The following RIMS2 variants were observed in gnomAD, a reference collection of about 807,000 sequenced individuals.
RIMS2 encodes the protein regulating synaptic membrane exocytosis protein 2.
RIMS2 carries 59 observed loss-of-function variants against 174.4 expected under a neutral mutation model. The ratio of observed to expected loss-of-function variants is 0.34; its 90% confidence interval spans 0.27 to 0.42. The LOEUF is 0.42. RIMS2 is among the 10% of genes least tolerant of loss of function. The probability of loss-of-function intolerance (pLI) is 1.00; values close to 1 mark genes in which losing one functional copy is unlikely to be tolerated. For synonymous variants in RIMS2, 606 were observed against 572.5 expected (o/e 1.06, Z -0.84); for missense variants, 1,620 against 1,666.3 (o/e 0.97, Z 0.48).
intron 19 of RIMS2, among the ~76,000 whole-genome samples, chr8:104,096,137 GA>G (rs1223589470): frequency 6.6e-6 from 1 of 152,004 alleles, no homozygotes. Context: ...AATTCACAGA[GA>G]AAAGCTTTCC....
intron 15 of RIMS2, 35 bp from the exon 18 acceptor site, chr8:103,975,315 C>T: frequency 1.3e-6 from 2 of 1,513,760 alleles, no homozygotes; most frequent in South Asian, 1.2e-5. Context: ...TTTGTACATA[C>T]ATAACTATAA....
intron 2 of RIMS2, among the ~76,000 whole-genome samples, chr8:103,757,168 T>A (rs1177361725): frequency 1.3e-5 from 2 of 152,198 alleles, no homozygotes; most frequent in African/African-American, 4.8e-5. Flanking sequence ...CTTTGATTCT[T>A]AAATATAAAA....
chr8:103,849,134 A>G (rs2935295), intron 3 of RIMS2, among the ~76,000 whole-genome samples: 19,885 of 152,040 alleles, frequency 0.13, 1,763 homozygotes, highest in Non-Finnish European at 0.2. Flanking sequence ...CCAATTCGCT[A>G]TAGGTGAAAA....
chr8:103,627,817 G>C (rs1338658907), intron 1 of RIMS2, among the ~76,000 whole-genome samples: 1 of 152,116 alleles, frequency 6.6e-6, no homozygotes, highest in African/African-American at 2.4e-5. Context: ...ATTTTATTTG[G>C]TGTAGAAAAA....
At chr8:104,024,835 G>T (rs1314950030) in intron 19 of RIMS2, among the ~76,000 whole-genome samples, 1 of 152,140 alleles carries the variant, frequency 6.6e-6, no homozygotes, top group Non-Finnish European at 1.5e-5. Context: ...GAGGTTCTGG[G>T]TAGGTTTTCA....
At chr8:104,098,317 G>A (rs2097796931) in intron 19 of RIMS2, among the ~76,000 whole-genome samples, 1 of 152,082 alleles carries the variant, frequency 6.6e-6, no homozygotes, top group African/African-American at 2.4e-5. Context: ...CAGTTTCTTA[G>A]CCATGTGTGG....
intron 19 of RIMS2, among the ~76,000 whole-genome samples, chr8:104,133,604 A>G (rs900664285): frequency 5.9e-5 from 9 of 152,238 alleles, no homozygotes; most frequent in Non-Finnish European, 1.2e-4. Flanking sequence ...AGAAAAATCA[A>G]GTGGCTTCTA....
At chr8:103,504,241 C>T (rs368301978) in intron 1 of RIMS2, among the ~76,000 whole-genome samples, 137 of 152,036 alleles carry the variant, frequency 9.0e-4, no homozygotes, top group African/African-American at 3.2e-3. Flanking sequence ...AGATTGTAAA[C>T]TTCTTGAGGG....
intron 3 of RIMS2, among the ~76,000 whole-genome samples, chr8:103,808,021 G>A (rs968324023): frequency 2.0e-5 from 3 of 152,064 alleles, no homozygotes; most frequent in African/African-American, 7.2e-5. Flanking sequence ...AGGAGGAAAG[G>A]GGGATGATGG....
At chr8:104,013,642 A>G in intron 18 of RIMS2, 21 bp downstream of exon 20, 1 of 1,605,894 alleles carries the variant, frequency 6.2e-7, no homozygotes, top group Non-Finnish European at 8.5e-7. Context: ...AATCAATCAG[A>G]CTAATTTCCC....
chr8:104,195,292 C>T (rs2099018408), intron 19 of RIMS2, among the ~76,000 whole-genome samples: 1 of 152,060 alleles, frequency 6.6e-6, no homozygotes. Context: ...TCAAAGGTGA[C>T]TCCCAGTTTT....
chr8:104,109,883 A>C (rs1408523913), intron 19 of RIMS2, among the ~76,000 whole-genome samples: 2 of 152,162 alleles, frequency 1.3e-5, no homozygotes, highest in Admixed American at 6.5e-5. Flanking sequence ...ATGGAATTAA[A>C]ATTATTTTAT....
intron 2 of RIMS2, among the ~76,000 whole-genome samples, chr8:103,731,540 ACT>A (rs775631474): frequency 9.2e-5 from 14 of 151,818 alleles, no homozygotes; most frequent in Non-Finnish European, 1.3e-4. Flanking sequence ...AAACTTTCTA[ACT>A]CTCTATCTCC....
chr8:103,753,418 C>T (rs929074316), intron 2 of RIMS2, among the ~76,000 whole-genome samples: 33 of 152,002 alleles, frequency 2.2e-4, no homozygotes, highest in Non-Finnish European at 2.5e-4. Context: ...TGTCTCTGCC[C>T]GGCTTTGGTA....
At chr8:104,089,045 ATGT>A (rs1299332176) in intron 19 of RIMS2, among the ~76,000 whole-genome samples, 1 of 151,940 alleles carries the variant, frequency 6.6e-6, no homozygotes, top group African/African-American at 2.4e-5. Flanking sequence ...AAACATTAAA[ATGT>A]TGTCCGGAAA....
At chr8:104,158,057 C>T (rs953138148) in intron 19 of RIMS2, among the ~76,000 whole-genome samples, 1 of 152,114 alleles carries the variant, frequency 6.6e-6, no homozygotes, top group African/African-American at 2.4e-5. Context: ...CGCTATCCCT[C>T]CCCCAATAGG....
intron 20 of RIMS2, 35 bp downstream of exon 26, chr8:104,245,092 G>T: frequency 1.9e-6 from 3 of 1,606,466 alleles, no homozygotes; most frequent in Non-Finnish European, 2.6e-6. Context: ...TGTCTCCTCC[G>T]TGCCTCACCT....
intron 12 of RIMS2, among the ~76,000 whole-genome samples, chr8:103,934,654 A>G (rs1191161444): frequency 2.0e-5 from 3 of 151,258 alleles, no homozygotes; most frequent in African/African-American, 7.3e-5. Context: ...GAGGAAGTTC[A>G]TGACTTACTT....
At chr8:103,755,722 A>G (rs1460507055) in intron 2 of RIMS2, among the ~76,000 whole-genome samples, 2 of 151,998 alleles carry the variant, frequency 1.3e-5, no homozygotes, top group African/African-American at 2.4e-5. Context: ...AATTGAGGTA[A>G]TCATACTTGT....
Sources: allele counts gnomAD v4.1 joint callset (sites outside exome capture counted in the v4.1 genomes callset), GRCh38; gene constraint gnomAD v4.1.1; transcripts MANE v1.5; gene names NCBI Gene and HGNC (gene_info 2026-07-23, HGNC 2026-07-21).